Variants in GPC6 observed in about 807,000 individuals in gnomAD.
GPC6 encodes the protein glypican 6.
A neutral mutation model predicts 55.2 loss-of-function variants in GPC6; 14 were observed. The observed-to-expected ratio is 0.25, with a 90% CI of 0.17 to 0.40. The LOEUF is 0.40. GPC6 is among the 10% of genes least tolerant of loss of function. The pLI, the probability that GPC6 is intolerant of heterozygous loss-of-function variation, is 1.00. For missense variants in GPC6, 641 were observed against 708.5 expected, an observed-to-expected ratio of 0.90 and a Z score of 1.08; for synonymous variants, 278 against 259.6, an observed-to-expected ratio of 1.07 and a Z score of -0.68.
chr13:94,216,003 A>G (rs1167897008), intron 4 of GPC6, among the ~76,000 whole-genome samples: 1 of 152,240 alleles, frequency 6.6e-6, no homozygotes, highest in African/African-American at 2.4e-5. Context: ...GTTAGTTCCT[A>G]TTCTTTGTCA....
At chr13:93,366,245 A>T (rs1881243387) in intron 1 of GPC6, among the ~76,000 whole-genome samples, 1 of 152,110 alleles carries the variant, frequency 6.6e-6, no homozygotes, top group Admixed American at 6.6e-5. Flanking sequence ...CTTTACATAA[A>T]TTGAGAAATA....
intron 4 of GPC6, among the ~76,000 whole-genome samples, chr13:94,029,830 C>T (rs1047234771): frequency 1.3e-5 from 2 of 152,144 alleles, no homozygotes; most frequent in South Asian, 2.1e-4. Flanking sequence ...AATCCTTATG[C>T]TTTCGATCAA....
intron 2 of GPC6, among the ~76,000 whole-genome samples, chr13:93,608,831 TC>T (rs1191350789): frequency 3.9e-5 from 6 of 152,210 alleles, no homozygotes; most frequent in Non-Finnish European, 8.8e-5. Flanking sequence ...TCTGCAAATG[TC>T]CCCAATATCT....
intron 2 of GPC6, among the ~76,000 whole-genome samples, chr13:93,824,127 G>A (rs2138970545): frequency 6.6e-6 from 1 of 152,208 alleles, no homozygotes; most frequent in South Asian, 2.1e-4. Context: ...TGCAAGTGAT[G>A]TTTAAGAAAA....
At chr13:93,627,625 T>A (rs554636594) in intron 2 of GPC6, among the ~76,000 whole-genome samples, 6 of 152,338 alleles carry the variant, frequency 3.9e-5, no homozygotes, top group Admixed American at 1.3e-4. Flanking sequence ...GTGCCACATT[T>A]ATTGTATTAC....
At chr13:93,973,367 G>A (rs1026018018) in intron 3 of GPC6, among the ~76,000 whole-genome samples, 3 of 152,092 alleles carry the variant, frequency 2.0e-5, no homozygotes, top group Non-Finnish European at 4.4e-5. Flanking sequence ...TGACCAAAAC[G>A]TCCTTAGGCT....
chr13:94,102,942 T>C (rs532270222), intron 4 of GPC6, among the ~76,000 whole-genome samples: 77 of 152,254 alleles, frequency 5.1e-4, no homozygotes, highest in Non-Finnish European at 9.1e-4. Context: ...AACGTGCAGG[T>C]TTGTTACATA....
intron 6 of GPC6, among the ~76,000 whole-genome samples, chr13:94,312,099 A>G (rs996161281): frequency 2.6e-5 from 4 of 152,186 alleles, no homozygotes; most frequent in Non-Finnish European, 5.9e-5. Flanking sequence ...AATACATATC[A>G]TAACATCCCT....
intron 1 of GPC6, among the ~76,000 whole-genome samples, chr13:93,316,603 C>T (rs1048535512): frequency 1.3e-5 from 2 of 151,890 alleles, no homozygotes; most frequent in Non-Finnish European, 2.9e-5. Context: ...GCTTTTAAAC[C>T]GAATAATTTC....
chr13:94,101,837 C>T (rs1004145932), intron 4 of GPC6, among the ~76,000 whole-genome samples: 1 of 149,974 alleles, frequency 6.7e-6, no homozygotes, highest in African/African-American at 2.4e-5. Context: ...TGCTCATATT[C>T]CAAATGCAGA....
intron 3 of GPC6, among the ~76,000 whole-genome samples, chr13:93,880,101 C>T (rs12560789): frequency 2.6e-5 from 4 of 151,616 alleles, no homozygotes; most frequent in Admixed American, 6.6e-5. Context: ...ATAGGAACAC[C>T]TTTACCCTGT....
At chr13:93,912,796 G>T (rs1319769559) in intron 3 of GPC6, among the ~76,000 whole-genome samples, 1 of 152,172 alleles carries the variant, frequency 6.6e-6, no homozygotes, top group East Asian at 1.9e-4. Context: ...TGCAGTTCTA[G>T]AGGCCAGAAG....
At chr13:94,080,916 C>T (rs973052771) in intron 4 of GPC6, among the ~76,000 whole-genome samples, 2 of 152,150 alleles carry the variant, frequency 1.3e-5, no homozygotes, top group Admixed American at 1.3e-4. Context: ...AGTATTTCAC[C>T]ATTTTAGTTT....
At chr13:94,390,392 G>A (rs918981089) in intron 7 of GPC6, among the ~76,000 whole-genome samples, 1 of 152,158 alleles carries the variant, frequency 6.6e-6, no homozygotes, top group Non-Finnish European at 1.5e-5. Flanking sequence ...AAATAACTGA[G>A]AGTGGGTAAC....
chr13:94,321,283 A>G (rs906643767), intron 6 of GPC6, among the ~76,000 whole-genome samples: 4 of 152,156 alleles, frequency 2.6e-5, no homozygotes, highest in African/African-American at 9.7e-5. Context: ...TTCATGGTGT[A>G]TATGTACCAC....
intron 2 of GPC6, among the ~76,000 whole-genome samples, chr13:93,812,806 A>G (rs948185986): frequency 1.3e-5 from 2 of 152,206 alleles, no homozygotes; most frequent in Admixed American, 6.5e-5. Context: ...TGCTTCATGT[A>G]TATCATGTCA....
chr13:93,913,072 A>T (rs1877093100), intron 3 of GPC6, among the ~76,000 whole-genome samples: 1 of 152,224 alleles, frequency 6.6e-6, no homozygotes, highest in Non-Finnish European at 1.5e-5. Context: ...TATGGACTTC[A>T]GCAAAGACCT....
intron 4 of GPC6, among the ~76,000 whole-genome samples, chr13:94,109,490 A>G (rs535354554): frequency 1.3e-5 from 2 of 150,978 alleles, no homozygotes; most frequent in African/African-American, 2.4e-5. Context: ...TGAAGATTCA[A>G]TGACTACTTA....
chr13:93,569,472 A>G (rs1183925375), intron 2 of GPC6, among the ~76,000 whole-genome samples: 1 of 151,706 alleles, frequency 6.6e-6, no homozygotes, highest in African/African-American at 2.4e-5. Flanking sequence ...CTGATCACTG[A>G]TAAGATTGAA....
Sources: allele counts gnomAD v4.1 joint callset (sites outside exome capture counted in the v4.1 genomes callset), GRCh38; gene constraint gnomAD v4.1.1; transcripts MANE v1.5; gene names NCBI Gene and HGNC (gene_info 2026-07-23, HGNC 2026-07-21).